The following PTPN22 variants were observed in gnomAD, a reference collection of about 807,000 sequenced individuals.
The protein encoded by PTPN22 is tyrosine-protein phosphatase non-receptor type 22.
A neutral mutation model predicts 103.3 loss-of-function variants in PTPN22; 85 were observed. That is an observed-to-expected ratio of 0.82 (90% CI 0.69 to 0.99). The LOEUF (loss-of-function observed/expected upper bound fraction) is 0.99, where lower values mean the gene tolerates loss of function less well. Ranked by LOEUF, PTPN22 falls within the 50% of genes least tolerant of loss-of-function variation. PTPN22 has a pLI of 0.00. For synonymous variants in PTPN22, 323 were observed against 310.2 expected (o/e 1.04, Z -0.43); for missense variants, 865 against 936.9 (o/e 0.92, Z 1.00).
intron 1 of PTPN22, among the ~76,000 whole-genome samples, chr1:113,867,918 T>C (rs1666250385): frequency 6.6e-6 from 1 of 152,212 alleles, no homozygotes; most frequent in Admixed American, 6.5e-5. Flanking sequence ...CCAAAATCTG[T>C]GGATGCTCAA....
intron 11 of PTPN22, among the ~76,000 whole-genome samples, chr1:113,839,435 G>A (rs1465212646): frequency 6.6e-6 from 1 of 151,366 alleles, no homozygotes; most frequent in Non-Finnish European, 1.5e-5. Flanking sequence ...TGTTACCCAG[G>A]CTGGAGTGCA....
In PTPN22 at chr1:113,821,904, T is replaced by C. The variant is rs1208168871; in HGVS notation, c.2282-2250A>G. 7.2e-5 allele frequency among the ~76,000 whole-genome samples: 11 copies of C among 152,222 alleles called. No individual in the cohort carries two copies. The South Asian group carries it at 2.3e-3, about 32-fold the overall frequency. ...TATTAGGGCATGACACTATCCTGCCTAATCAGAACATTGACTATAATTGGT... is the reference window on the plus strand; with the variant it reads ...TATTAGGGCATGACACTATCCTGCCCAATCAGAACATTGACTATAATTGGT... On this transcript the variant is annotated intron_variant, in intron 19 of 20. Transcript: ENST00000359785.
At position 113,816,309 on chromosome 1, in the gene PTPN22, C is replaced by CA. The variant is rs978291598; in HGVS notation, c.2360-1341dup. On this transcript the variant is annotated intron_variant, in intron 20 of 20. Coordinates refer to ENST00000359785, the Ensembl canonical transcript of PTPN22. ...GCAACATAGTGAAACCTTGTCTCTA[C>CA]AAAAAAACACAAAAAAATTAGCCGG... 4.0e-5 allele frequency among the ~76,000 whole-genome samples: 6 copies of CA among 150,264 alleles called. No individual in the cohort carries two copies. In the South Asian group the frequency reaches 8.4e-4, roughly 21 times the overall value.
intron 1 of PTPN22, among the ~76,000 whole-genome samples, chr1:113,864,682 G>A (rs1665961763): frequency 6.6e-6 from 1 of 151,580 alleles, no homozygotes; most frequent in South Asian, 2.1e-4. Context: ...AGGCCAAGGT[G>A]GGCAGATCAC....
chr1:113,845,431 G>A (rs1214622776), intron 11 of PTPN22, among the ~76,000 whole-genome samples: 1 of 151,992 alleles, frequency 6.6e-6, no homozygotes, highest in Non-Finnish European at 1.5e-5. Flanking sequence ...TCAAATTCCT[G>A]ACCTCATGTG....
rs749489801 is a variant in PTPN22, at chr1:113,848,852, C to T, written c.829-226G>A. The stretch of plus-strand genomic sequence containing the variant: ...TGAAAATAGCTAAATATTTGATACA[C>T]CTCTAACTAATGTACAGGAATCTTA... On this transcript the variant is annotated intron_variant, in intron 10 of 20. Transcript: ENST00000359785. Among the ~76,000 whole-genome samples the T allele has an allele frequency of 2.0e-5, 3 of 152,222 alleles. No homozygotes were observed. The South Asian group carries it at 6.2e-4, about 32-fold the overall frequency.
chr1:113,839,205 C>A (rs1663294553), intron 11 of PTPN22, among the ~76,000 whole-genome samples: 1 of 152,110 alleles, frequency 6.6e-6, no homozygotes, highest in Admixed American at 6.6e-5. Context: ...CCCTGACCAC[C>A]CAACCTAAAA....
exon 13 of PTPN22, chr1:113,837,794 A>T: frequency 3.7e-6 from 6 of 1,613,900 alleles, no homozygotes; most frequent in Non-Finnish European, 5.1e-6. Context: ...GATGAAAAAT[A>T]AGGATTTTCC....
chr1:113,871,477 C>A, intron 1 of PTPN22, 60 bp downstream of exon 1: 1 of 1,390,118 alleles, frequency 7.2e-7, no homozygotes, highest in Non-Finnish European at 1.0e-6. Flanking sequence ...AAAATTGGAC[C>A]CCCATAGTCA....
exon 9 of PTPN22, chr1:113,854,497 A>T (rs763704356): frequency 3.1e-6 from 5 of 1,614,020 alleles, no homozygotes; most frequent in Non-Finnish European, 4.2e-6. Flanking sequence ...ATCCATGTAT[A>T]ATCAATAGCA....
chr1:113,856,619 T>C, exon 6 of PTPN22: 4 of 1,614,160 alleles, frequency 2.5e-6, no homozygotes, highest in Non-Finnish European at 3.4e-6. Context: ...TCACACTTTT[T>C]CTGTTGCACA....
chr1:113,833,167 A>G (rs761821119), intron 15 of PTPN22, 29 bp from the exon 16 acceptor site: 4 of 1,512,456 alleles, frequency 2.6e-6, no homozygotes, highest in Non-Finnish European at 3.6e-6. Flanking sequence ...GGAAAAGTGA[A>G]AGAAGAATAT....
upstream of PTPN22, chr1:113,871,734 G>T: frequency 2.3e-6 from 2 of 888,264 alleles, no homozygotes; most frequent in Non-Finnish European, 1.8e-6. Flanking sequence ...AGCAGAGCAT[G>T]CTGAAGGCTG....
intron 19 of PTPN22, among the ~76,000 whole-genome samples, chr1:113,823,767 C>T (rs1176797061): frequency 6.6e-6 from 1 of 152,174 alleles, no homozygotes; most frequent in African/African-American, 2.4e-5. Context: ...TTTATTTCCC[C>T]TGTTTCCTAC....
intron 20 of PTPN22, among the ~76,000 whole-genome samples, chr1:113,819,102 AATT>A (rs1661383573): frequency 1.3e-5 from 2 of 152,242 alleles, no homozygotes; most frequent in South Asian, 4.1e-4. Context: ...AAGAATATAA[AATT>A]ATTGTTTTAA....
intron 1 of PTPN22, among the ~76,000 whole-genome samples, chr1:113,866,105 G>T (rs1666095047): frequency 1.3e-5 from 2 of 152,188 alleles, no homozygotes; most frequent in Non-Finnish European, 2.9e-5. Context: ...AAATGGAAAT[G>T]AAAACAGTAC....
chr1:113,829,956 A>G, exon 17 of PTPN22: 1 of 1,597,466 alleles, frequency 6.3e-7, no homozygotes, highest in Non-Finnish European at 8.6e-7. Flanking sequence ...TACAATCTTC[A>G]TCGGCAAGAA....
chr1:113,858,953 T>G lies in PTPN22; in HGVS notation c.273+49A>C, dbSNP rs1396573125. 8 of 1,587,402 alleles carry G rather than the reference T, an allele frequency of 5.0e-6. No homozygotes were observed. The Admixed American group carries it at 1.1e-4, about 21-fold the overall frequency. ...TGAGTCCAGCCAGCCCTCCCCTTTTTTTGGGTATCTAGAGAAATATGGAAT... is the reference window on the plus strand; with the variant it reads ...TGAGTCCAGCCAGCCCTCCCCTTTTGTTGGGTATCTAGAGAAATATGGAAT... On this transcript the variant is annotated intron_variant, in intron 3 of 20. Transcript: ENST00000359785.
chr1:113,850,188 C>T (rs1197634789), intron 10 of PTPN22, among the ~76,000 whole-genome samples: 2 of 131,582 alleles, frequency 1.5e-5, no homozygotes, highest in Non-Finnish European at 3.1e-5. Context: ...CAGTGTGAAA[C>T]TCCATCTCAA....
Sources: allele counts gnomAD v4.1 joint callset (sites outside exome capture counted in the v4.1 genomes callset), GRCh38; gene constraint gnomAD v4.1.1; transcripts MANE v1.5; gene names NCBI Gene and HGNC (gene_info 2026-07-23, HGNC 2026-07-21).